The following RTN1 variants were observed in gnomAD, a reference collection of about 807,000 sequenced individuals.
RTN1 encodes reticulon 1, also known as reticulon-1.
A neutral mutation model predicts 65.5 loss-of-function variants in RTN1; 25 were observed. The observed-to-expected ratio is 0.38, with a 90% CI of 0.28 to 0.53. The LOEUF (loss-of-function observed/expected upper bound fraction) is 0.53, where lower values mean the gene tolerates loss of function less well. Ranked by LOEUF, RTN1 falls within the 20% of genes least tolerant of loss-of-function variation. The pLI is 0.79. For missense variants in RTN1, 983 were observed against 1,025.4 expected, an observed-to-expected ratio of 0.96 and a Z score of 0.57; for synonymous variants, 471 against 447.6, an observed-to-expected ratio of 1.05 and a Z score of -0.66.
In RTN1 at chr14:59,607,345, A is replaced by T. The variant is rs1336884884; in HGVS notation, c.1913T>A (p.Phe638Tyr). 1 of 1,613,874 alleles carries T rather than the reference A, an allele frequency of 6.2e-7. No homozygotes were observed. Among genetic ancestry groups the T allele is most frequent in the Non-Finnish European group, 8.5e-7 (1 of 1,179,964 alleles). Residue 638 changes from phenylalanine to tyrosine, a missense_variant, in exon 4 of 9, where the codon TTC (phenylalanine) becomes TAC (tyrosine). Around this residue, in one of 2 missense-constraint regions of RTN1, gnomAD observed 165 missense variants for 223.6 expected, o/e 0.74. Coordinates refer to ENST00000267484, the MANE Select transcript of RTN1 (RefSeq NM_021136.3). ...ALAALSATIS[F>Y]RIYKSVLQAV... ...TTGTAAAACAGACTTGTAGATGCGG[A>T]AACTGATGGTGGCTGAGAGTGCGGC...
rs398025284 is a variant in RTN1, at chr14:59,766,239, A to AG, written c.242-19759_242-19758insC. On this transcript the variant is annotated intron_variant, in intron 1 of 8. Coordinates refer to ENST00000267484, the MANE Select transcript of RTN1 (RefSeq NM_021136.3). This position sits in a 1 kb window ranked among gnomAD's most constrained non-coding sequence, Gnocchi z 4.4. ...AGTGAGACGCTGTCAAAAAAAAAAA[A>AG]TTCATTAACAATTACCTAGAATTTA... 6.6e-6 allele frequency among the ~76,000 whole-genome samples: 1 copy of AG among 150,560 alleles called. No homozygotes were observed. Among genetic ancestry groups the AG allele is most frequent in the Non-Finnish European group, 1.5e-5 (1 of 67,714 alleles).
chr14:59,692,889 G>C (rs1883990158), intron 3 of RTN1, among the ~76,000 whole-genome samples: 1 of 152,150 alleles, frequency 6.6e-6, no homozygotes, highest in Non-Finnish European at 1.5e-5. Flanking sequence ...GGGATAGCTG[G>C]CTAGCCATAT....
intron 1 of RTN1, among the ~76,000 whole-genome samples, chr14:59,750,324 T>TCTATA: frequency 4.9e-5 from 1 of 20,494 alleles, no homozygotes; most frequent in African/African-American, 1.9e-4. Flanking sequence ...ATATCTATAA[T>TCTATA]ATATAATATA....
rs533028297 is a variant in RTN1, at chr14:59,868,082, A to G, written c.241+2308T>C. 6.6e-6 allele frequency among the ~76,000 whole-genome samples: 1 copy of G among 152,364 alleles called. No individual in the cohort carries two copies. Among genetic ancestry groups the G allele is most frequent in the East Asian group, 1.9e-4 (1 of 5,194 alleles). On this transcript the variant is annotated intron_variant, in intron 1 of 8. Transcript: ENST00000267484. This position sits in a 1 kb window ranked among gnomAD's most constrained non-coding sequence, Gnocchi z 4.0. ...GAGGGCTCACCTGCTAACTTTGCTT[A>G]TAGCAATAGAACTGCCAAAATAACA...
Position 59,780,594 on chromosome 14 carries a change from G to A in RTN1, c.242-34113C>T, listed in dbSNP as rs186260393. On this transcript the variant is annotated intron_variant, in intron 1 of 8. Transcript: ENST00000267484. The stretch of plus-strand genomic sequence containing the variant: ...AGAAGCTACAGAAAGCAAGAGCCAA[G>A]GTCTAGGGCAAATCTCAGATGTCAC... Among the ~76,000 whole-genome samples, 81 of 152,240 alleles carry A rather than the reference G, an allele frequency of 5.3e-4. 1 individual carries two copies. The highest frequency in any genetic ancestry group is 8.1e-4 in the Non-Finnish European group (55 of 68,004).
chr14:59,626,078 T>C (rs1490973420), intron 3 of RTN1, among the ~76,000 whole-genome samples: 3 of 152,190 alleles, frequency 2.0e-5, no homozygotes, highest in African/African-American at 7.2e-5. Context: ...CTGATTTTCA[T>C]AAAAGGTGAT....
intron 1 of RTN1, among the ~76,000 whole-genome samples, chr14:59,764,868 A>C (rs1454408123): frequency 6.6e-6 from 1 of 152,240 alleles, no homozygotes; most frequent in East Asian, 1.9e-4. Context: ...TCTACCTTAT[A>C]TTTTTAACAG....
chr14:59,642,665 A>T (rs938348948), intron 3 of RTN1, among the ~76,000 whole-genome samples: 4 of 152,156 alleles, frequency 2.6e-5, no homozygotes, highest in Admixed American at 6.5e-5. Context: ...TTACTTTTTT[A>T]AATAGTTTCC....
chr14:59,684,937 T>C (rs1427725062), intron 3 of RTN1, among the ~76,000 whole-genome samples: 1 of 152,096 alleles, frequency 6.6e-6, no homozygotes, highest in African/African-American at 2.4e-5. Context: ...CTCCATTCTT[T>C]ATTCTCTCCA....
Position 59,870,339 on chromosome 14 carries a change from G to A in RTN1, c.241+51C>T, listed in dbSNP as rs767423409. On this transcript the variant is annotated intron_variant, in intron 1 of 8. Coordinates refer to ENST00000267484, the MANE Select transcript of RTN1 (RefSeq NM_021136.3). This position sits in a 1 kb window ranked among gnomAD's most constrained non-coding sequence, Gnocchi z 5.1. ...AGAGCCGCGCAGAAGGGGACTGACTGGGGGGCCCTGGTCCCCGACGCCATT... is the reference window on the plus strand; with the variant it reads ...AGAGCCGCGCAGAAGGGGACTGACTAGGGGGCCCTGGTCCCCGACGCCATT... 7.0e-7 allele frequency: 1 copy of A among 1,431,560 alleles called. No individual in the cohort carries two copies. Among genetic ancestry groups the A allele is most frequent in the Non-Finnish European group, 9.1e-7 (1 of 1,098,800 alleles). 88.7% of individuals were successfully genotyped at this position (1,431,560 alleles called of 1,614,324 possible).
rs116721842 is a variant in RTN1 at position 59,672,442 on chromosome 14, T to A, written c.1765+54477A>T. ...AAGGATAATTATTATGCTTTTACTA[T>A]GGTGCTTCGAGTTTCATAATAATCC... On this transcript the variant is annotated intron_variant, in intron 3 of 8. Transcript: ENST00000267484. Among the ~76,000 whole-genome samples the A allele has an allele frequency of 3.3e-3, 507 of 152,226 alleles. 2 individuals carry two copies. Among genetic ancestry groups the A allele is most frequent in the African/African-American group, 0.012 (493 of 41,538 alleles).
At position 59,607,450 on chromosome 14, in the gene RTN1, A is replaced by T; in HGVS notation, c.1808T>A (p.Ile603Asn). ...CAGCAGCAGGAAACTCCCAAACACG[A>T]TGCCCGTCTGCTTGATGTCCCGCCA... ...LYWRDIKQTG[I>N]VFGSFLLLLF... is the part of the protein sequence containing the mutation. The change falls in exon 4 of 9, where the codon ATC becomes AAC. Residue 603 changes from isoleucine to asparagine, a missense_variant. Around this residue, in one of 2 missense-constraint regions of RTN1, gnomAD observed 165 missense variants for 223.6 expected, o/e 0.74. Coordinates refer to ENST00000267484, the MANE Select transcript of RTN1 (RefSeq NM_021136.3). 1.2e-6 allele frequency: 2 copies of T among 1,610,130 alleles called. No individual in the cohort carries two copies. Among genetic ancestry groups the T allele is most frequent in the Non-Finnish European group, 1.7e-6 (2 of 1,177,970 alleles).
intron 1 of RTN1, 78 bp from the exon 2 acceptor site, chr14:59,746,559 C>G: frequency 7.9e-7 from 1 of 1,261,250 alleles, no homozygotes; most frequent in Non-Finnish European, 1.1e-6. Flanking sequence ...ACCACCCACC[C>G]CTGCCTGGTG....
At chr14:59,634,764 G>C (rs1032928286) in intron 3 of RTN1, among the ~76,000 whole-genome samples, 1 of 152,136 alleles carries the variant, frequency 6.6e-6, no homozygotes. Flanking sequence ...GAGTGGCTAG[G>C]GAGAAGAACA....
At position 59,596,681 on chromosome 14, in the gene RTN1, A is replaced by G. The variant is rs764223710; in HGVS notation, c.*64T>C. The G allele has an allele frequency of 8.6e-5, 105 of 1,214,798 alleles. No individual in the cohort carries two copies. The highest frequency in any genetic ancestry group is 1.1e-4 in the Non-Finnish European group (92 of 816,024). 75.3% of individuals were successfully genotyped at this position (1,214,798 alleles called of 1,614,324 possible). On this transcript the variant is annotated 3_prime_UTR_variant, in exon 9 of 9. Transcript: ENST00000267484. The stretch of plus-strand genomic sequence containing the variant: ...AGACAATCAATTTGCAGTAATGAGT[A>G]AGAAGAGAGCTGTTACCACTCCAGA...
intron 1 of RTN1, among the ~76,000 whole-genome samples, chr14:59,848,345 A>G (rs1233805854): frequency 6.6e-6 from 1 of 152,230 alleles, no homozygotes; most frequent in Non-Finnish European, 1.5e-5. Context: ...TTCTCAAGAT[A>G]ATTGAATGCT....
chr14:59,644,110 C>T (rs1882839719), intron 3 of RTN1, among the ~76,000 whole-genome samples: 1 of 152,134 alleles, frequency 6.6e-6, no homozygotes, highest in Admixed American at 6.5e-5. Context: ...GATAAAAGTA[C>T]AATAACTCTC....
intron 1 of RTN1, among the ~76,000 whole-genome samples, chr14:59,775,550 G>C (rs1017967325): frequency 6.6e-6 from 1 of 152,058 alleles, no homozygotes; most frequent in Non-Finnish European, 1.5e-5. Flanking sequence ...TCCTCTACAA[G>C]TATCAGCTCA....
intron 3 of RTN1, among the ~76,000 whole-genome samples, chr14:59,701,111 A>T (rs1884168932): frequency 6.6e-6 from 1 of 152,210 alleles, no homozygotes; most frequent in African/African-American, 2.4e-5. Context: ...ACATAAAAAG[A>T]TGCTCAACAC....
Sources: gnomAD v4.1 joint callset for allele counts (sites outside exome capture counted in the v4.1 genomes callset) on GRCh38, gnomAD v4.1.1 for gene constraint, gnomAD v4.1.1 regional missense constraint, Gnocchi (gnomAD v3.1) non-coding constraint, MANE v1.5 for transcripts, NCBI Gene and HGNC (gene_info 2026-07-23, HGNC 2026-07-21) for gene names.